Variants in NACC2 observed in about 807,000 individuals in gnomAD.
The protein encoded by NACC2 is NACC family member 2.
Under a neutral mutation model 25.1 loss-of-function variants are expected in NACC2, and 8 were observed. The ratio of observed to expected loss-of-function variants is 0.32; its 90% confidence interval spans 0.19 to 0.57. The LOEUF (loss-of-function observed/expected upper bound fraction) is 0.57, where lower values mean the gene tolerates loss of function less well. Among genes scored for constraint, NACC2 ranks in the 20% least tolerant of loss-of-function variants. The pLI, the probability that NACC2 is intolerant of heterozygous loss-of-function variation, is 0.89. For missense variants in NACC2, 644 were observed against 650.2 expected (o/e 0.99, Z 0.10); for synonymous variants, 435 against 294.7 (o/e 1.48, Z -4.88).
intron 1 of NACC2, among the ~76,000 whole-genome samples, chr9:136,090,590 C>G (rs1206857281): frequency 6.6e-6 from 1 of 152,192 alleles, no homozygotes; most frequent in African/African-American, 2.4e-5. Context: ...ATGAGGGACC[C>G]CAGGCAGCTC....
chr9:136,017,628 C>T (rs1051886759), intron 2 of NACC2, among the ~76,000 whole-genome samples: 8 of 152,284 alleles, frequency 5.3e-5, no homozygotes, highest in East Asian at 1.9e-4. Flanking sequence ...AGCGGGCCCC[C>T]GGTGCTCACA....
At position 136,013,442 on chromosome 9, in the gene NACC2, C is replaced by T. The variant is rs1462601430; in HGVS notation, c.1158-146G>A. The T allele has an allele frequency of 3.0e-6, 2 of 661,512 alleles. No homozygotes were observed. The highest frequency in any genetic ancestry group is 5.4e-5 in the East Asian group (2 of 37,094). 41.0% of individuals were successfully genotyped at this position (661,512 alleles called of 1,614,324 possible). On this transcript the variant is annotated intron_variant, in intron 4 of 5. Coordinates refer to ENST00000277554, the MANE Select transcript of NACC2 (RefSeq NM_144653.5). The surrounding 1 kb of genome is among the most constrained non-coding windows in gnomAD (Gnocchi z 6.6). ...TGTGTCCCAGTGGCAGGAGCCGGCCCAGCCACCCTCTAAGGGACAGGACAA... is the reference window on the plus strand; with the variant it reads ...TGTGTCCCAGTGGCAGGAGCCGGCCTAGCCACCCTCTAAGGGACAGGACAA...
At chr9:136,048,486 C>G (rs1309980143) in intron 2 of NACC2, among the ~76,000 whole-genome samples, 4 of 152,242 alleles carry the variant, frequency 2.6e-5, no homozygotes, top group African/African-American at 7.2e-5. Flanking sequence ...TAAAAGAAAA[C>G]AAAAGCTGTG....
chr9:136,020,200 G>A lies in NACC2; in HGVS notation c.887-3771C>T, dbSNP rs1439913314. On this transcript the variant is annotated intron_variant, in intron 2 of 5. Transcript: ENST00000277554. This position sits in a 1 kb window ranked among gnomAD's most constrained non-coding sequence, Gnocchi z 4.7. ...CAACGCTCAGAAAGAACAAATGAAC[G>A]AACGTCAGAAGGAGGGGGCCATGCA... 1.3e-5 allele frequency among the ~76,000 whole-genome samples: 2 copies of A among 152,148 alleles called. No individual in the cohort carries two copies. The highest frequency in any genetic ancestry group is 2.4e-5 in the African/African-American group (1 of 41,420).
chr9:136,072,121 C>T (rs1039085480), intron 1 of NACC2, among the ~76,000 whole-genome samples: 2 of 152,034 alleles, frequency 1.3e-5, no homozygotes, highest in African/African-American at 4.8e-5. Context: ...GCCTATAATC[C>T]CAGCCACTCG....
intron 1 of NACC2, among the ~76,000 whole-genome samples, chr9:136,094,896 G>T (rs993300011): frequency 6.7e-6 from 1 of 150,260 alleles, no homozygotes; most frequent in East Asian, 2.0e-4. Context: ...CCGGAGCCGG[G>T]GTCTCCCCGA....
In NACC2 at chr9:136,055,238, C is replaced by G. The variant is rs1840906677; in HGVS notation, c.-59-4658G>C. On this transcript the variant is annotated intron_variant, in intron 1 of 5. Coordinates refer to ENST00000277554, the MANE Select transcript of NACC2 (RefSeq NM_144653.5). The surrounding 1 kb of genome is among the most constrained non-coding windows in gnomAD (Gnocchi z 4.9). ...CACTGGAACTGCAGCCAGACGCGCA[C>G]ACAGGGGTTGGGGCAGCGTCTCCAG... Among the ~76,000 whole-genome samples, 1 of 152,182 alleles carries G rather than the reference C, an allele frequency of 6.6e-6. No homozygotes were observed.
chr9:136,077,003 C>T lies in NACC2; in HGVS notation c.-60+18186G>A, dbSNP rs7869604. Among the ~76,000 whole-genome samples the T allele has an allele frequency of 1.0e-2, 1,516 of 151,760 alleles. 28 individuals carry two copies. Among genetic ancestry groups the T allele is most frequent in the African/African-American group, 0.035 (1,427 of 41,312 alleles). On this transcript the variant is annotated intron_variant, in intron 1 of 5. Transcript: ENST00000277554. ...CCTGGGCGACAGAGCGAGACTCTGT[C>T]TCAAAAATAAATAAATAAATAAATA... is the stretch of plus-strand genomic sequence containing the variant.
Position 136,007,366 on chromosome 9 carries a change from C to T in NACC2, c.*4150G>A, listed in dbSNP as rs1032467156. On this transcript the variant is annotated 3_prime_UTR_variant, in exon 6 of 6. Coordinates refer to ENST00000277554, the MANE Select transcript of NACC2 (RefSeq NM_144653.5). ...GCGCGTGCACACACACAGACACACGCGTGCACACATACACAGACACGCGTG... is the reference window on the plus strand; with the variant it reads ...GCGCGTGCACACACACAGACACACGTGTGCACACATACACAGACACGCGTG... 6.6e-6 allele frequency: 1 copy of T among 152,224 alleles called. No homozygotes were observed. Among genetic ancestry groups the T allele is most frequent in the Non-Finnish European group, 1.5e-5 (1 of 66,598 alleles). 9.4% of individuals were successfully genotyped at this position (152,224 alleles called of 1,614,324 possible). A position where few individuals can be genotyped will look rare whatever the true frequency, so the allele number is the denominator to read the frequency against.
At position 136,084,653 on chromosome 9, in the gene NACC2, A is replaced by G. The variant is rs1441445996; in HGVS notation, c.-60+10536T>C. Among the ~76,000 whole-genome samples, 2 of 152,250 alleles carry G rather than the reference A, an allele frequency of 1.3e-5. No homozygotes were observed. Among genetic ancestry groups the G allele is most frequent in the East Asian group, 3.8e-4 (2 of 5,202 alleles). On this transcript the variant is annotated intron_variant, in intron 1 of 5. Transcript: ENST00000277554. This position sits in a 1 kb window ranked among gnomAD's most constrained non-coding sequence, Gnocchi z 5.1. Reference sequence around the variant, plus strand: ...ACGCGCACGCCACGTCCATAGCGGCAGCACCAGACAGCCAAGAGGCAAGTG... The same window carrying G: ...ACGCGCACGCCACGTCCATAGCGGCGGCACCAGACAGCCAAGAGGCAAGTG...
At chr9:136,026,033 G>T (rs2131143540) in intron 2 of NACC2, among the ~76,000 whole-genome samples, 1 of 152,196 alleles carries the variant, frequency 6.6e-6, no homozygotes, top group East Asian at 1.9e-4. Flanking sequence ...AAAATATCCA[G>T]ATTGATGCAG....
chr9:136,091,637 T>A (rs1162810212), intron 1 of NACC2, among the ~76,000 whole-genome samples: 1 of 152,098 alleles, frequency 6.6e-6, no homozygotes, highest in African/African-American at 2.4e-5. Context: ...GCTGAGACCC[T>A]ATACAAGGGT....
chr9:136,036,115 T>A (rs1278815234), intron 2 of NACC2, among the ~76,000 whole-genome samples: 6 of 152,178 alleles, frequency 3.9e-5, no homozygotes, highest in Non-Finnish European at 7.3e-5. Context: ...CAATTCACAG[T>A]GTAGAACGTG....
chr9:136,042,267 T>C (rs1233728169), intron 2 of NACC2, among the ~76,000 whole-genome samples: 1 of 152,108 alleles, frequency 6.6e-6, no homozygotes, highest in Non-Finnish European at 1.5e-5. Context: ...GGATTACAGG[T>C]GTGAGCCACC....
chr9:136,085,589 G>GGGGCGGGGAGCCTCAGGT (rs1830371035), intron 1 of NACC2, among the ~76,000 whole-genome samples: 1 of 152,180 alleles, frequency 6.6e-6, no homozygotes, highest in Admixed American at 6.5e-5. Context: ...CTGGTGTAAG[G>GGGGCGGGGAGCCTCAGGT]CCAGGAGGGG....
chr9:136,049,794 T>C lies in NACC2; in HGVS notation c.728A>G (p.Gln243Arg). The C allele has an allele frequency of 1.3e-6, 1 of 764,298 alleles. No individual in the cohort carries two copies. Among genetic ancestry groups the C allele is most frequent in the Non-Finnish European group, 2.4e-6 (1 of 410,502 alleles). 47.3% of individuals were successfully genotyped at this position (764,298 alleles called of 1,614,324 possible). A position where few individuals can be genotyped will look rare whatever the true frequency, so the allele number is the denominator to read the frequency against. ...IPGIQQMPYP[Q>R]GERTSPGASS... is the part of the protein sequence containing the mutation. ...GGCGCCTGGACTGGTCCGCTCCCCC[T>C]GGGGGTAGGGCATCTGCTGGATGCC... The change falls in exon 2 of 6, where the codon CAG (glutamine) becomes CGG (arginine). Residue 243 changes from glutamine (Q) to arginine (R), a missense_variant. By Grantham distance (43) the Gln-to-Arg change is conservative (BLOSUM62 1). Coordinates refer to ENST00000277554, the MANE Select transcript of NACC2 (RefSeq NM_144653.5).
At chr9:136,072,953 T>C (rs1445630147) in intron 1 of NACC2, among the ~76,000 whole-genome samples, 1 of 152,098 alleles carries the variant, frequency 6.6e-6, no homozygotes, top group Non-Finnish European at 1.5e-5. Flanking sequence ...ATTTGTAGAA[T>C]CCGGGGCTAG....
At position 136,019,789 on chromosome 9, in the gene NACC2, A is replaced by G. The variant is rs921262629; in HGVS notation, c.887-3360T>C. Among the ~76,000 whole-genome samples, 4 of 152,104 alleles carry G rather than the reference A, an allele frequency of 2.6e-5. No homozygotes were observed. The highest frequency in any genetic ancestry group is 4.4e-5 in the Non-Finnish European group (3 of 68,008). ...GGGGTTGGGGCCTTCAGGGACCCAG[A>G]AGGAGCCCCCGCCGTACCTTCCAGG... On this transcript the variant is annotated intron_variant, in intron 2 of 5. Transcript: ENST00000277554. This position sits in a 1 kb window ranked among gnomAD's most constrained non-coding sequence, Gnocchi z 5.2.
At chr9:136,037,602 G>C (rs1840573375) in intron 2 of NACC2, among the ~76,000 whole-genome samples, 1 of 151,472 alleles carries the variant, frequency 6.6e-6, no homozygotes, top group Admixed American at 6.6e-5. Context: ...CTGCCTCCTA[G>C]GTTCAAGCGA....
Sources: allele counts gnomAD v4.1 joint callset (sites outside exome capture counted in the v4.1 genomes callset), GRCh38; gene constraint gnomAD v4.1.1; non-coding constraint Gnocchi (gnomAD v3.1); transcripts MANE v1.5; gene names NCBI Gene and HGNC (gene_info 2026-07-23, HGNC 2026-07-21).